Variants in TRAPPC2L observed in about 807,000 individuals in gnomAD.
TRAPPC2L encodes the protein trafficking protein particle complex subunit 2L, also known as trafficking protein particle complex subunit 2-like protein.
In TRAPPC2L, 17 loss-of-function variants were observed where a neutral mutation model predicts 13.2. That is an observed-to-expected ratio of 1.29 (90% confidence interval 0.88 to 1.93). TRAPPC2L has a LOEUF of 1.93. Among genes scored for constraint, TRAPPC2L ranks in the 30% most tolerant of loss-of-function variants. The pLI, the probability that TRAPPC2L is intolerant of heterozygous loss-of-function variation, is 0.00. For missense variants in TRAPPC2L, 359 were observed against 252.1 expected, an observed-to-expected ratio of 1.42 and a Z score of -2.87; for synonymous variants, 150 against 98.1, an observed-to-expected ratio of 1.53 and a Z score of -3.12.
intron 2 of TRAPPC2L, chr16:88,859,258 G>A (rs985030751): frequency 1.4e-5 from 8 of 560,914 alleles, no homozygotes; most frequent in African/African-American, 5.6e-5. Context: ...TGTCCATGGT[G>A]ACATTTGCTA....
chr16:88,859,712 T>A, exon 3 of TRAPPC2L: 1 of 1,614,014 alleles, frequency 6.2e-7, no homozygotes, highest in Non-Finnish European at 8.5e-7. Flanking sequence ...GGTGGTAGAT[T>A]CCTCCAACAC....
rs775304599 is a variant in TRAPPC2L, at chr16:88,857,180, G to C, written c.30G>C (p.Lys10Asn). The change falls in exon 1 of 4, where the codon AAG becomes AAC. Residue 10 changes from lysine (K) to asparagine (N), a missense_variant. By Grantham distance (94) the Lys-to-Asn change is moderately conservative (BLOSUM62 0). Transcript: ENST00000565504. ...CGGTGTGCATCGCGGTGATTGCCAA[G>C]GAGGTGCGTACGCGCGGCGTGGGGC... The C allele has an allele frequency of 1.6e-5, 25 of 1,577,958 alleles. No homozygotes were observed. The Admixed American group carries it at 2.4e-4, about 15-fold the overall frequency.
At chr16:88,861,833 G>C (rs1200112794) in exon 4 of TRAPPC2L, 1 of 354,538 alleles carries the variant, frequency 2.8e-6, no homozygotes, top group African/African-American at 2.1e-5. Flanking sequence ...AAGGCTGTAA[G>C]GGGGGGTCAG....
chr16:88,858,947 T>C (rs1968184713), intron 2 of TRAPPC2L, 156 bp downstream of exon 2: 2 of 731,662 alleles, frequency 2.7e-6, no homozygotes, highest in African/African-American at 3.6e-5. Context: ...GGCCTGTAAC[T>C]CTTCTCTTTC....
At chr16:88,859,806 G>A (rs1968247971) in intron 3 of TRAPPC2L, 56 bp downstream of exon 3, 1 of 1,591,338 alleles carries the variant, frequency 6.3e-7, no homozygotes, top group African/African-American at 1.4e-5. Flanking sequence ...TTTCCTTTTT[G>A]ACTTTGTTTT....
intron 1 of TRAPPC2L, among the ~76,000 whole-genome samples, chr16:88,857,801 C>G (rs1217580579): frequency 6.6e-6 from 1 of 152,232 alleles, no homozygotes; most frequent in Non-Finnish European, 1.5e-5. Context: ...TCTTTACTGG[C>G]CCACATACAT....
At chr16:88,857,138 C>G (rs1216326435) in exon 1 of TRAPPC2L, 5 of 1,572,200 alleles carry the variant, frequency 3.2e-6, no homozygotes, top group African/African-American at 1.4e-5. Context: ...TGCCTGGCGC[C>G]GAGCCTCCCA....
chr16:88,858,815 G>C (rs780704965), intron 2 of TRAPPC2L, 24 bp downstream of exon 2: 1 of 1,602,242 alleles, frequency 6.2e-7, no homozygotes, highest in Non-Finnish European at 8.5e-7. Flanking sequence ...CAGGGTGTGT[G>C]TCAGGGAGGA....
upstream of TRAPPC2L, chr16:88,857,033 G>A (rs529774848): frequency 9.9e-6 from 14 of 1,418,566 alleles, no homozygotes; most frequent in Admixed American, 1.2e-4. Flanking sequence ...GGCCTGGACT[G>A]CCTCGTGACC....
upstream of TRAPPC2L, chr16:88,856,985 C>G: frequency 7.2e-7 from 1 of 1,389,932 alleles, no homozygotes; most frequent in Non-Finnish European, 9.2e-7. Flanking sequence ...ACGTGACTCG[C>G]GGGGCGGGGC....
At chr16:88,856,947 T>A, upstream of TRAPPC2L, 1 of 1,445,998 alleles carries the variant, frequency 6.9e-7, no homozygotes, top group Non-Finnish European at 9.0e-7. Context: ...CCCTTCCGGC[T>A]GGGCTGCGGG....
chr16:88,858,471 C>G (rs1968136262), intron 1 of TRAPPC2L, 148 bp from the exon 2 acceptor site: 1 of 794,212 alleles, frequency 1.3e-6, no homozygotes, highest in Non-Finnish European at 2.0e-6. Context: ...GCAGTGCCCA[C>G]TGCGGCATAG....
At chr16:88,860,981 C>A (rs537493943) in exon 4 of TRAPPC2L, 1 of 1,574,224 alleles carries the variant, frequency 6.4e-7, no homozygotes, top group Non-Finnish European at 8.6e-7. Flanking sequence ...TGCCAGCCAT[C>A]GCAGAGGAGC....
At chr16:88,856,910 C>A, upstream of TRAPPC2L, 1 of 1,496,108 alleles carries the variant, frequency 6.7e-7, no homozygotes, top group Non-Finnish European at 8.8e-7. Flanking sequence ...CCCCGGCCAG[C>A]GAGCCGACCT....
chr16:88,858,523 C>T (rs776236076), intron 1 of TRAPPC2L, 96 bp from the exon 2 acceptor site: 108 of 1,373,786 alleles, frequency 7.9e-5, no homozygotes, highest in African/African-American at 1.3e-4. Context: ...ATGCGTTCCC[C>T]GGGTGGCTGC....
chr16:88,857,261 T>G, intron 1 of TRAPPC2L, 78 bp downstream of exon 1: 8 of 1,324,122 alleles, frequency 6.0e-6, no homozygotes, highest in Non-Finnish European at 8.1e-6. Context: ...TTCCCTGGGC[T>G]TAGAAGGCAC....
intron 1 of TRAPPC2L, among the ~76,000 whole-genome samples, chr16:88,858,086 A>G (rs542014944): frequency 6.6e-6 from 1 of 152,348 alleles, no homozygotes; most frequent in Non-Finnish European, 1.5e-5. Flanking sequence ...CCAGTGCTGA[A>G]CACACACAGG....
In TRAPPC2L at chr16:88,860,080, T is replaced by A; in HGVS notation, c.482T>A (p.Leu161Ter). The change falls in exon 4 of 4, where the codon TTA becomes TAA. Residue 161 changes from leucine (L) to a stop codon, truncating the protein, a stop_gained. Coordinates refer to ENST00000565504, the Ensembl canonical transcript of TRAPPC2L. LOFTEE classifies it low-confidence loss of function (END_TRUNC). ...GAAAATAAGGGAGGAAAGATCTTTT[T>A]AAGCTATGAGCACCATCCCCCTAGG... The A allele has an allele frequency of 9.3e-7, 1 of 1,070,426 alleles. No individual in the cohort carries two copies. The highest frequency in any genetic ancestry group is 1.4e-6 in the Non-Finnish European group (1 of 715,688). 66.3% of individuals were successfully genotyped at this position (1,070,426 alleles called of 1,614,324 possible).
chr16:88,859,578 C>G, intron 2 of TRAPPC2L, 85 bp from the exon 3 acceptor site: 2 of 1,300,828 alleles, frequency 1.5e-6, no homozygotes, highest in Non-Finnish European at 2.2e-6. Context: ...TCAAGGTTGC[C>G]ACATTTCTCC....
Sources: allele counts gnomAD v4.1 joint callset (sites outside exome capture counted in the v4.1 genomes callset), GRCh38; gene constraint gnomAD v4.1.1; transcripts MANE v1.5; gene names NCBI Gene and HGNC (gene_info 2026-07-23, HGNC 2026-07-21).